Variants in CACNA2D3 observed in about 807,000 individuals in gnomAD.
CACNA2D3 encodes the protein calcium voltage-gated channel auxiliary subunit alpha2delta 3.
Under a neutral mutation model 160.6 loss-of-function variants are expected in CACNA2D3, and 60 were observed. The ratio of observed to expected loss-of-function variants is 0.37; its 90% CI spans 0.30 to 0.46. CACNA2D3 has a LOEUF of 0.46. CACNA2D3 is among the 20% of genes least tolerant of loss of function. The probability of loss-of-function intolerance (pLI) is 1.00; values close to 1 mark genes in which losing one functional copy is unlikely to be tolerated. For missense variants in CACNA2D3, 1,205 were observed against 1,365.0 expected (o/e 0.88, Z 1.85); for synonymous variants, 558 against 492.9 (o/e 1.13, Z -1.75).
At chr3:54,850,741 A>G (rs879915180) in intron 17 of CACNA2D3, among the ~76,000 whole-genome samples, 14 of 152,186 alleles carry the variant, frequency 9.2e-5, no homozygotes, top group Non-Finnish European at 2.1e-4. Context: ...GGCAGGCAAA[A>G]TTTAGGACTC....
intron 8 of CACNA2D3, among the ~76,000 whole-genome samples, chr3:54,573,193 A>T (rs1191956136): frequency 6.6e-6 from 1 of 152,214 alleles, no homozygotes; most frequent in Non-Finnish European, 1.5e-5. Flanking sequence ...ACAACTAGAA[A>T]GACACTCTGA....
rs540249682 is a variant in CACNA2D3 at position 54,339,288 on chromosome 3, C to T, written c.321+18730C>T. Among the ~76,000 whole-genome samples the T allele has an allele frequency of 3.3e-5, 5 of 152,264 alleles. No homozygotes were observed. In the East Asian group the frequency reaches 9.7e-4, roughly 29 times the overall value. On this transcript the variant is annotated intron_variant, in intron 3 of 37. Coordinates refer to ENST00000474759, the MANE Select transcript of CACNA2D3 (RefSeq NM_018398.3). ...TCTTCTTCACCAAAATCTGGTCTCTCCTTGATATTCAGGGTTCCTCTTGGA... is the reference window on the plus strand; with the variant it reads ...TCTTCTTCACCAAAATCTGGTCTCTTCTTGATATTCAGGGTTCCTCTTGGA...
At chr3:54,137,398 G>A (rs1324523504) in intron 2 of CACNA2D3, among the ~76,000 whole-genome samples, 2 of 152,156 alleles carry the variant, frequency 1.3e-5, no homozygotes, top group Admixed American at 1.3e-4. Context: ...TTACCAAATA[G>A]GTTACCGGGA....
intron 14 of CACNA2D3, among the ~76,000 whole-genome samples, chr3:54,828,488 G>C (rs1703792125): frequency 6.6e-6 from 1 of 152,176 alleles, no homozygotes; most frequent in South Asian, 2.1e-4. Context: ...CTATCTAGAA[G>C]TTTACTCATA....
At chr3:54,813,833 T>C (rs567926564) in intron 13 of CACNA2D3, among the ~76,000 whole-genome samples, 2 of 151,172 alleles carry the variant, frequency 1.3e-5, no homozygotes, top group Non-Finnish European at 2.9e-5. Flanking sequence ...TTCTTATTTA[T>C]AACAAATTCT....
chr3:54,448,830 C>T (rs1475772252), intron 4 of CACNA2D3, among the ~76,000 whole-genome samples: 2 of 152,230 alleles, frequency 1.3e-5, no homozygotes, highest in Non-Finnish European at 2.9e-5. Context: ...ATTTTCACAA[C>T]TGCAAGGCAA....
chr3:54,324,497 C>T (rs1265537632), intron 3 of CACNA2D3, among the ~76,000 whole-genome samples: 3 of 152,076 alleles, frequency 2.0e-5, no homozygotes, highest in African/African-American at 7.2e-5. Context: ...ATAATGGTGC[C>T]ATCATTATGG....
intron 2 of CACNA2D3, among the ~76,000 whole-genome samples, chr3:54,149,155 T>C (rs1454887736): frequency 6.6e-6 from 1 of 151,920 alleles, no homozygotes; most frequent in Non-Finnish European, 1.5e-5. Context: ...TACTTGTCCC[T>C]GACATTTGTG....
intron 5 of CACNA2D3, among the ~76,000 whole-genome samples, chr3:54,522,288 A>G (rs114883484): frequency 0.013 from 1,989 of 152,066 alleles, 27 homozygotes; most frequent in Non-Finnish European, 0.021. Flanking sequence ...ATTCTTTTTA[A>G]TGATATTATA....
chr3:54,185,985 C>T (rs1300266839), intron 2 of CACNA2D3, among the ~76,000 whole-genome samples: 1 of 152,168 alleles, frequency 6.6e-6, no homozygotes, highest in Non-Finnish European at 1.5e-5. Context: ...GTGGTTTGCT[C>T]TCCCATCCTC....
chr3:54,142,050 C>G (rs1480557011), intron 2 of CACNA2D3, among the ~76,000 whole-genome samples: 1 of 152,200 alleles, frequency 6.6e-6, no homozygotes, highest in Non-Finnish European at 1.5e-5. Flanking sequence ...AAGACCTGCT[C>G]TGGTCTGGGT....
At chr3:54,366,686 T>A (rs1174053173) in intron 3 of CACNA2D3, among the ~76,000 whole-genome samples, 1 of 152,242 alleles carries the variant, frequency 6.6e-6, no homozygotes, top group African/African-American at 2.4e-5. Flanking sequence ...GAGAAGGGCC[T>A]ATGCATTTCA....
At chr3:54,259,469 G>C (rs1237510470) in intron 2 of CACNA2D3, among the ~76,000 whole-genome samples, 2 of 152,188 alleles carry the variant, frequency 1.3e-5, no homozygotes, top group African/African-American at 4.8e-5. Flanking sequence ...GAAAACTTGA[G>C]ATGTGCTTCC....
At chr3:54,655,503 G>T (rs1361683281) in intron 11 of CACNA2D3, among the ~76,000 whole-genome samples, 1 of 152,234 alleles carries the variant, frequency 6.6e-6, no homozygotes, top group Non-Finnish European at 1.5e-5. Flanking sequence ...GTGGGAAATA[G>T]AAAGTGCTCT....
intron 8 of CACNA2D3, 37 bp from the exon 9 acceptor site, chr3:54,581,766 T>G: frequency 6.5e-7 from 1 of 1,538,558 alleles, no homozygotes. Context: ...TTCAATTCCT[T>G]AATTAAGTGT....
At chr3:54,691,447 A>G (rs1478388186) in intron 11 of CACNA2D3, among the ~76,000 whole-genome samples, 1 of 152,208 alleles carries the variant, frequency 6.6e-6, no homozygotes, top group African/African-American at 2.4e-5. Flanking sequence ...CTTAGTTTCC[A>G]GCTGCACATC....
intron 11 of CACNA2D3, among the ~76,000 whole-genome samples, chr3:54,743,041 C>T (rs115265193): frequency 7.0e-4 from 107 of 152,266 alleles, no homozygotes; most frequent in Non-Finnish European, 1.2e-3. Flanking sequence ...AAAATAGAGT[C>T]GCAATGAAGG....
At chr3:54,145,585 G>T (rs1364924218) in intron 2 of CACNA2D3, among the ~76,000 whole-genome samples, 2 of 152,214 alleles carry the variant, frequency 1.3e-5, no homozygotes, top group Admixed American at 6.5e-5. Flanking sequence ...GCCCTGCATG[G>T]CATATCCCCA....
At chr3:54,409,297 C>T (rs1699627529) in intron 4 of CACNA2D3, among the ~76,000 whole-genome samples, 1 of 152,134 alleles carries the variant, frequency 6.6e-6, no homozygotes, top group Non-Finnish European at 1.5e-5. Context: ...TTGGACGTTA[C>T]TATTGTAATT....
Sources: gnomAD v4.1 joint callset for allele counts (sites outside exome capture counted in the v4.1 genomes callset) on GRCh38, gnomAD v4.1.1 for gene constraint, MANE v1.5 for transcripts, NCBI Gene and HGNC (gene_info 2026-07-23, HGNC 2026-07-21) for gene names.